Variants in IGF1R observed in about 807,000 individuals in gnomAD.
IGF1R encodes insulin-like growth factor 1 receptor.
In IGF1R, 44 loss-of-function variants were observed where a neutral mutation model predicts 144.6. That is an observed-to-expected ratio of 0.30 (90% confidence interval 0.24 to 0.39). The LOEUF (loss-of-function observed/expected upper bound fraction) is 0.39. Ranked by LOEUF, IGF1R falls within the 10% of genes least tolerant of loss-of-function variation. The pLI, the probability that IGF1R is intolerant of heterozygous loss-of-function variation, is 1.00. For missense variants in IGF1R, 1,355 were observed against 1,833.7 expected, an observed-to-expected ratio of 0.74 and a Z score of 4.77; for synonymous variants, 795 against 722.8, an observed-to-expected ratio of 1.10 and a Z score of -1.60.
intron 4 of IGF1R, 152 bp downstream of exon 4, chr15:98,897,057 GTTTCCC>G: frequency 1.4e-6 from 1 of 711,470 alleles, no homozygotes; most frequent in African/African-American, 1.8e-5. Flanking sequence ...TCTTCTTTGA[GTTTCCC>G]TGAAAGATAA....
chr15:98,795,739 C>T (rs1468921393), intron 2 of IGF1R, among the ~76,000 whole-genome samples: 1 of 152,168 alleles, frequency 6.6e-6, no homozygotes. Flanking sequence ...GAAAATCTCT[C>T]TAATTTTTTA....
intron 1 of IGF1R, among the ~76,000 whole-genome samples, chr15:98,659,139 A>G (rs991581114): frequency 6.6e-6 from 1 of 152,238 alleles, no homozygotes; most frequent in Admixed American, 6.5e-5. Flanking sequence ...TAAATATGTT[A>G]TAGAACCTGG....
intron 2 of IGF1R, among the ~76,000 whole-genome samples, chr15:98,736,980 G>C (rs1163499525): frequency 6.6e-6 from 1 of 152,066 alleles, no homozygotes; most frequent in Non-Finnish European, 1.5e-5. Context: ...TTTTGTTTTA[G>C]AAGCATCTGT....
chr15:98,736,854 C>T (rs747556605), intron 2 of IGF1R, among the ~76,000 whole-genome samples: 15 of 152,040 alleles, frequency 9.9e-5, no homozygotes, highest in East Asian at 1.9e-4. Flanking sequence ...TCAGGCAATC[C>T]GCCTATCTCG....
At chr15:98,800,555 G>A (rs979110387) in intron 2 of IGF1R, among the ~76,000 whole-genome samples, 1 of 152,134 alleles carries the variant, frequency 6.6e-6, no homozygotes, top group African/African-American at 2.4e-5. Context: ...CTCAGCAGAT[G>A]GGAATTCCTT....
At chr15:98,874,232 A>G (rs912893613) in intron 2 of IGF1R, among the ~76,000 whole-genome samples, 1 of 152,196 alleles carries the variant, frequency 6.6e-6, no homozygotes, top group East Asian at 1.9e-4. Context: ...CAGAAGAAAA[A>G]AGTGGACTTA....
intron 2 of IGF1R, among the ~76,000 whole-genome samples, chr15:98,806,609 T>C (rs1388726206): frequency 6.6e-6 from 1 of 152,228 alleles, no homozygotes; most frequent in Middle Eastern, 3.2e-3. Context: ...AAGGAAATTA[T>C]CTCACAGAGT....
At chr15:98,908,544 G>A (rs911676380) in intron 5 of IGF1R, 141 bp from the exon 6 acceptor site, 4 of 705,902 alleles carry the variant, frequency 5.7e-6, no homozygotes, top group Middle Eastern at 7.2e-4. Context: ...TTCTCCTATA[G>A]TGTTAATAAC....
chr15:98,817,680 T>C (rs1284281624), intron 2 of IGF1R, among the ~76,000 whole-genome samples: 1 of 152,230 alleles, frequency 6.6e-6, no homozygotes, highest in East Asian at 1.9e-4. Flanking sequence ...CAGCTCAGGC[T>C]GCTTTGACAA....
chr15:98,938,184 G>C (rs944717170), intron 17 of IGF1R, among the ~76,000 whole-genome samples: 16 of 152,226 alleles, frequency 1.1e-4, no homozygotes. Flanking sequence ...GTGGCCCCAG[G>C]TCATCTTCTC....
At chr15:98,733,170 G>C (rs2054533379) in intron 2 of IGF1R, among the ~76,000 whole-genome samples, 1 of 152,154 alleles carries the variant, frequency 6.6e-6, no homozygotes, top group African/African-American at 2.4e-5. Context: ...GGGTCTGAAG[G>C]CTCCTCCGAG....
chr15:98,725,962 T>C (rs551090533), intron 2 of IGF1R, among the ~76,000 whole-genome samples: 80 of 152,278 alleles, frequency 5.3e-4, no homozygotes, highest in Non-Finnish European at 1.1e-3. Flanking sequence ...CCTGGGTCCT[T>C]CCCATAACAC....
chr15:98,779,635 C>G (rs996343257), intron 2 of IGF1R, among the ~76,000 whole-genome samples: 5 of 152,216 alleles, frequency 3.3e-5, no homozygotes, highest in African/African-American at 9.6e-5. Context: ...TGATGCGGAA[C>G]TATCATTAAA....
chr15:98,697,880 C>T (rs1015263944), intron 1 of IGF1R, among the ~76,000 whole-genome samples: 5 of 134,576 alleles, frequency 3.7e-5, no homozygotes, highest in East Asian at 2.2e-4. Context: ...TGGAATTACA[C>T]GCGCCCGCCA....
rs1047887464 is a variant in IGF1R at position 98,924,777 on chromosome 15, T to G, written c.2782+93T>G. On this transcript the variant is annotated intron_variant, in intron 13 of 20. Transcript: ENST00000650285. Reference sequence around the variant, plus strand: ...CCGAGTGTTCATGGCTGTCTTATTTTCTGTTAAAATGGAGTTGGCCAGCTT... The same window carrying G: ...CCGAGTGTTCATGGCTGTCTTATTTGCTGTTAAAATGGAGTTGGCCAGCTT... 3.4e-6 allele frequency: 4 copies of G among 1,183,050 alleles called. No individual in the cohort carries two copies. In the South Asian group the frequency reaches 5.0e-5, roughly 15 times the overall value. 73.3% of individuals were successfully genotyped at this position (1,183,050 alleles called of 1,614,324 possible). A position where few individuals can be genotyped will look rare whatever the true frequency, so the allele number is the denominator to read the frequency against.
intron 1 of IGF1R, chr15:98,660,077 A>G (rs2052567565): frequency 6.6e-6 from 1 of 152,244 alleles, no homozygotes; most frequent in Non-Finnish European, 1.5e-5. Flanking sequence ...TTACGTGTCA[A>G]AAGCCTTAAA....
At chr15:98,937,010 C>A (rs2016179472) in intron 17 of IGF1R, among the ~76,000 whole-genome samples, 1 of 152,186 alleles carries the variant, frequency 6.6e-6, no homozygotes, top group African/African-American at 2.4e-5. Context: ...CTCAGTCTCC[C>A]AAGTAGCTGG....
intron 2 of IGF1R, among the ~76,000 whole-genome samples, chr15:98,876,314 T>TAAAAAAAAA (rs35359680): frequency 7.0e-6 from 1 of 143,810 alleles, no homozygotes; most frequent in African/African-American, 2.5e-5. Context: ...TATTAAGAGT[T>TAAAAAAAAA]AAAAAAAAAA....
chr15:98,718,906 T>G (rs1037498000), intron 2 of IGF1R, among the ~76,000 whole-genome samples: 6 of 150,294 alleles, frequency 4.0e-5, no homozygotes, highest in African/African-American at 1.5e-4. Context: ...TGGAAACTAG[T>G]CAGATCCTTG....
Sources: gnomAD v4.1 joint callset for allele counts (sites outside exome capture counted in the v4.1 genomes callset) on GRCh38, gnomAD v4.1.1 for gene constraint, MANE v1.5 for transcripts, NCBI Gene and HGNC (gene_info 2026-07-23, HGNC 2026-07-21) for gene names.